Variants in TESC observed in about 807,000 individuals in gnomAD.
TESC encodes the protein tescalcin, also known as calcineurin B homologous protein 3.
A neutral mutation model predicts 31.0 loss-of-function variants in TESC; 19 were observed. That is an observed-to-expected ratio of 0.61 (90% CI 0.43 to 0.90). The LOEUF is 0.90. Ranked by LOEUF, TESC falls within the 40% of genes least tolerant of loss-of-function variation. The pLI, the probability that TESC is intolerant of heterozygous loss-of-function variation, is 0.00. For synonymous variants in TESC, 109 were observed against 114.8 expected, an observed-to-expected ratio of 0.95 and a Z score of 0.32; for missense variants, 248 against 303.8, an observed-to-expected ratio of 0.82 and a Z score of 1.36.
intron 2 of TESC, among the ~76,000 whole-genome samples, chr12:117,071,215 T>TTTCA (rs1323001949): frequency 2.0e-5 from 3 of 152,218 alleles, no homozygotes; most frequent in Admixed American, 6.5e-5. Flanking sequence ...TCCTTTGTTC[T>TTTCA]TTCATTCATT....
intron 7 of TESC, among the ~76,000 whole-genome samples, chr12:117,041,646 AC>A (rs1954485513): frequency 6.6e-6 from 1 of 152,222 alleles, no homozygotes; most frequent in Non-Finnish European, 1.5e-5. Flanking sequence ...AACGGGGGTT[AC>A]TTCTGAGAAG....
At chr12:117,048,259 C>T (rs903609564) in intron 4 of TESC, among the ~76,000 whole-genome samples, 3 of 152,216 alleles carry the variant, frequency 2.0e-5, no homozygotes, top group African/African-American at 7.2e-5. Context: ...GTTCCACGCC[C>T]CTTGGAGCAG....
chr12:117,039,362 C>CT (rs1388831051), intron 7 of TESC, 152 bp from the exon 8 acceptor site: 2 of 720,506 alleles, frequency 2.8e-6, no homozygotes, highest in Non-Finnish European at 4.7e-6. Context: ...TGTTTCAAGA[C>CT]TATGAGCTAA....
chr12:117,099,394 G>T lies in TESC; in HGVS notation c.-112C>A. ...TCCGGCCTCGGGTCGGGACGCCGGC[G>T]AAGGCTCGGAGCCGCGGGTTCCGCG... On this transcript the variant is annotated 5_prime_UTR_variant, in exon 1 of 8. Transcript: ENST00000335209. 9.1e-7 allele frequency: 1 copy of T among 1,101,498 alleles called. No homozygotes were observed. Among genetic ancestry groups the T allele is most frequent in the Non-Finnish European group, 1.2e-6 (1 of 855,344 alleles). 68.2% of individuals were successfully genotyped at this position (1,101,498 alleles called of 1,614,324 possible).
intron 2 of TESC, among the ~76,000 whole-genome samples, chr12:117,071,858 C>T (rs983247475): frequency 2.6e-5 from 4 of 152,134 alleles, no homozygotes; most frequent in Non-Finnish European, 4.4e-5. Flanking sequence ...ACCCACTCAA[C>T]CATGGAGGAC....
chr12:117,067,950 A>G (rs1954910531), intron 2 of TESC, among the ~76,000 whole-genome samples: 1 of 152,102 alleles, frequency 6.6e-6, no homozygotes, highest in African/African-American at 2.4e-5. Context: ...GCTGGAGTGC[A>G]GTGGCAAGAC....
At chr12:117,094,181 G>C (rs997478947) in intron 1 of TESC, among the ~76,000 whole-genome samples, 4 of 152,160 alleles carry the variant, frequency 2.6e-5, no homozygotes, top group Non-Finnish European at 4.4e-5. Flanking sequence ...AGCCTTCTTG[G>C]CTCAGAAAAG....
intron 2 of TESC, among the ~76,000 whole-genome samples, chr12:117,073,264 C>CAAA (rs1311194996): frequency 1.3e-5 from 2 of 152,196 alleles, no homozygotes; most frequent in African/African-American, 4.8e-5. Flanking sequence ...TTGGCCATGG[C>CAAA]GATTGGCTCA....
Position 117,070,561 on chromosome 12 carries a change from T to G in TESC, c.128+4710A>C, listed in dbSNP as rs567696398. On this transcript the variant is annotated intron_variant, in intron 2 of 7. Coordinates refer to ENST00000335209, the MANE Select transcript of TESC (RefSeq NM_017899.4). ...CAGTAGCAGGGCAGGAAGACTGAGG[T>G]CCTTAGAGATCACTTGCAAATCAAG... Among the ~76,000 whole-genome samples the G allele has an allele frequency of 5.3e-4, 81 of 152,084 alleles. No homozygotes were observed. The Middle Eastern group carries it at 0.01, about 19-fold the overall frequency.
At chr12:117,053,325 T>C (rs571706925) in intron 3 of TESC, among the ~76,000 whole-genome samples, 1 of 152,218 alleles carries the variant, frequency 6.6e-6, no homozygotes, top group Non-Finnish European at 1.5e-5. Context: ...CAGAGAGGCA[T>C]CTGCCCCAGC....
chr12:117,067,260 G>A (rs1198426697), intron 2 of TESC, among the ~76,000 whole-genome samples: 3 of 152,078 alleles, frequency 2.0e-5, no homozygotes, highest in Non-Finnish European at 4.4e-5. Flanking sequence ...TATGAGTATA[G>A]TATTTCTAAA....
intron 1 of TESC, among the ~76,000 whole-genome samples, chr12:117,088,857 G>C (rs749871239): frequency 2.6e-5 from 4 of 152,184 alleles, no homozygotes; most frequent in Non-Finnish European, 4.4e-5. Context: ...CAAGTGCCAG[G>C]GGCAAGGAAG....
intron 1 of TESC, among the ~76,000 whole-genome samples, chr12:117,082,896 T>G (rs1441332762): frequency 2.0e-5 from 3 of 152,180 alleles, no homozygotes; most frequent in Non-Finnish European, 4.4e-5. Flanking sequence ...GGGTTAAAAT[T>G]TTTTTAACCA....
At chr12:117,099,112 G>C in intron 1 of TESC, 113 bp downstream of exon 1, 1 of 1,157,016 alleles carries the variant, frequency 8.6e-7, no homozygotes, top group Non-Finnish European at 1.1e-6. Flanking sequence ...GAGGCGCAGA[G>C]AGGGCCCGCC....
At chr12:117,088,456 G>A (rs933019186) in intron 1 of TESC, among the ~76,000 whole-genome samples, 1 of 152,178 alleles carries the variant, frequency 6.6e-6, no homozygotes, top group Non-Finnish European at 1.5e-5. Context: ...TGAGGCGGGT[G>A]CATCACTGGA....
At chr12:117,051,414 G>C (rs576868714) in intron 3 of TESC, among the ~76,000 whole-genome samples, 5 of 152,270 alleles carry the variant, frequency 3.3e-5, no homozygotes, top group East Asian at 3.9e-4. Flanking sequence ...TGCGGGATGA[G>C]ATCTGTCCTT....
rs1356571074 is a variant in TESC, at chr12:117,049,021, C to G, written c.347G>C (p.Arg116Thr). Residue 116 changes from arginine (R) to threonine (T), a missense_variant and splice_region_variant, in exon 4 of 8, where the codon AGA becomes ACA. Arg to Thr is a moderately conservative substitution (Grantham distance 71). Coordinates refer to ENST00000335209, the MANE Select transcript of TESC (RefSeq NM_017899.4). ...QVELSRKEKL[R>T]FLFHMYDSDS... The stretch of plus-strand genomic sequence containing the variant: ...CAAGGGGACTCAGTGGCACGCACAT[C>G]TCAGCTTCTCCTTCCGGGACAGCTC... 3.1e-6 allele frequency: 5 copies of G among 1,614,204 alleles called. No homozygotes were observed. The highest frequency in any genetic ancestry group is 4.2e-6 in the Non-Finnish European group (5 of 1,180,020).
rs1225060139 is a variant in TESC at position 117,058,252 on chromosome 12, CA to C, written c.129-1367del. 2.0e-5 allele frequency among the ~76,000 whole-genome samples: 3 copies of C among 151,466 alleles called. No homozygotes were observed. The Middle Eastern group carries it at 0.01, about 515-fold the overall frequency. ...TTGAGACTCCGTCTCAAAATACAAACAAAAAAAACCCATTATGCTAAGTGAA... is the reference window on the plus strand; with the variant it reads ...TTGAGACTCCGTCTCAAAATACAAACAAAAAAACCCATTATGCTAAGTGAA... On this transcript the variant is annotated intron_variant, in intron 2 of 7. Coordinates refer to ENST00000335209, the MANE Select transcript of TESC (RefSeq NM_017899.4).
At position 117,099,324 on chromosome 12, in the gene TESC, G is replaced by A. The variant is rs1031645488; in HGVS notation, c.-42C>T. ...GCCCCGGGGCGCGCGTCCCTCTCAG[G>A]CCCCGCACTGGCTTCGGCTGCGCAG... On this transcript the variant is annotated 5_prime_UTR_variant, in exon 1 of 8. Coordinates refer to ENST00000335209, the MANE Select transcript of TESC (RefSeq NM_017899.4). 5 of 1,400,434 alleles carry A rather than the reference G, an allele frequency of 3.6e-6. No homozygotes were observed. In the Admixed American group the frequency reaches 1.2e-4, roughly 35 times the overall value. 86.8% of individuals were successfully genotyped at this position (1,400,434 alleles called of 1,614,324 possible). A position where few individuals can be genotyped will look rare whatever the true frequency, so the allele number is the denominator to read the frequency against.
Sources: gnomAD v4.1 joint callset for allele counts (sites outside exome capture counted in the v4.1 genomes callset) on GRCh38, gnomAD v4.1.1 for gene constraint, MANE v1.5 for transcripts, NCBI Gene and HGNC (gene_info 2026-07-23, HGNC 2026-07-21) for gene names.